The following KCNQ2 variants were observed in gnomAD, a reference collection of about 807,000 sequenced individuals.
KCNQ2 encodes the protein potassium voltage-gated channel subfamily KQT member 2.
Under a neutral mutation model 84.8 loss-of-function variants are expected in KCNQ2, and 14 were observed. The ratio of observed to expected loss-of-function variants is 0.17; its 90% confidence interval spans 0.11 to 0.26. The LOEUF is 0.26. Among genes scored for constraint, KCNQ2 ranks in the 10% least tolerant of loss-of-function variants. The pLI is 1.00. For missense variants in KCNQ2, 788 were observed against 1,254.0 expected (o/e 0.63, Z 5.61); for synonymous variants, 599 against 554.1 (o/e 1.08, Z -1.14).
chr20:63,453,258 A>G lies in KCNQ2; in HGVS notation c.297-6421T>C, dbSNP rs1477776840. Among the ~76,000 whole-genome samples the G allele has an allele frequency of 4.6e-5, 7 of 152,300 alleles. No homozygotes were observed. The East Asian group carries it at 1.4e-3, about 29-fold the overall frequency. ...CCCTGAGGCACCGTCGCCAGGGGGC[A>G]CTCGGCCCCGCCCACGTGTGCGACC... On this transcript the variant is annotated intron_variant, in intron 1 of 16. Coordinates refer to ENST00000359125, the MANE Select transcript of KCNQ2 (RefSeq NM_172107.4).
intron 5 of KCNQ2, chr20:63,439,915 G>C (rs138557173): frequency 1.1e-5 from 7 of 630,750 alleles, no homozygotes; most frequent in Non-Finnish European, 2.0e-5. Context: ...CTACAGGCCA[G>C]AAGCGGGGTC....
At chr20:63,451,511 T>C (rs1012463255) in intron 1 of KCNQ2, among the ~76,000 whole-genome samples, 1 of 152,142 alleles carries the variant, frequency 6.6e-6, no homozygotes, top group African/African-American at 2.4e-5. Flanking sequence ...CTTTTGTGAT[T>C]GAAACAGCAT....
At chr20:63,458,910 G>A (rs1406201383) in intron 1 of KCNQ2, 1 of 152,290 alleles carries the variant, frequency 6.6e-6, no homozygotes, top group Non-Finnish European at 1.5e-5. Flanking sequence ...CTGAGATGAG[G>A]AGGGCACGGC....
intron 8 of KCNQ2, among the ~76,000 whole-genome samples, chr20:63,432,981 C>A (rs2080874364): frequency 6.6e-6 from 1 of 152,164 alleles, no homozygotes; most frequent in Non-Finnish European, 1.5e-5. Flanking sequence ...GGCTCAGTTC[C>A]CCACCTCAGA....
chr20:63,443,293 C>T (rs1310292805), intron 4 of KCNQ2, among the ~76,000 whole-genome samples: 1 of 82,540 alleles, frequency 1.2e-5, no homozygotes, highest in Non-Finnish European at 2.7e-5. Context: ...TCACCATCAT[C>T]ACCACCACCA....
intron 10 of KCNQ2, among the ~76,000 whole-genome samples, chr20:63,427,610 C>T (rs1237947833): frequency 6.6e-6 from 1 of 152,246 alleles, no homozygotes; most frequent in African/African-American, 2.4e-5. Flanking sequence ...TGGCTCCAGG[C>T]AGCCCTTGGC....
Position 63,400,629 on chromosome 20 carries a change from G to A in KCNQ2, c.*6015C>T. The A allele has an allele frequency of 2.5e-6, 1 of 398,718 alleles. No individual in the cohort carries two copies. The highest frequency in any genetic ancestry group is 4.4e-6 in the Non-Finnish European group (1 of 226,096). The allele number at this position is 398,718 out of a possible 1,614,324, so 24.7% of individuals were successfully genotyped here. ...GCATGAACAAAAGTGCAGACAGCCA[G>A]AGGCAACGGCGCAAATGGGGAAGCT... On this transcript the variant is annotated 3_prime_UTR_variant, in exon 17 of 17. Coordinates refer to ENST00000359125, the MANE Select transcript of KCNQ2 (RefSeq NM_172107.4). The surrounding 1 kb of genome is among the most constrained non-coding windows in gnomAD (Gnocchi z 8.7).
rs2081217650 is a variant in KCNQ2 at position 63,442,725 on chromosome 20, T to TTACCACCACCATCACCATCAC, written c.691-195_691-194insGTGATGGTGATGGTGGTGGTA. On this transcript the variant is annotated intron_variant, in intron 4 of 16. Coordinates refer to ENST00000359125, the MANE Select transcript of KCNQ2 (RefSeq NM_172107.4). ...ATCACCATCACCACCACCACCACCA[T>TTACCACCACCATCACCATCAC]CATCACCACCTCCACCATCACCACC... 3.7e-4 allele frequency among the ~76,000 whole-genome samples: 12 copies of TTACCACCACCATCACCATCAC among 32,804 alleles called. 5 individuals carry two copies. Among genetic ancestry groups the TTACCACCACCATCACCATCAC allele is most frequent in the African/African-American group, 8.9e-4 (5 of 5,596 alleles). The allele number at this position is 32,804 out of a possible 152,430, so 21.5% of individuals were successfully genotyped here.
At chr20:63,433,639 G>A in intron 8 of KCNQ2, 170 bp downstream of exon 8, 5 of 1,263,240 alleles carry the variant, frequency 4.0e-6, no homozygotes, top group African/African-American at 1.5e-5. Context: ...CTAACACAAA[G>A]GGCAGAAGCA....
intron 11 of KCNQ2, among the ~76,000 whole-genome samples, chr20:63,419,982 A>C (rs2080417024): frequency 6.6e-6 from 1 of 152,258 alleles, no homozygotes; most frequent in Non-Finnish European, 1.5e-5. Context: ...TCATGCTGAC[A>C]AAACAATAAT....
At chr20:63,442,591 C>CCACCAA (rs2081196006) in intron 4 of KCNQ2, 60 bp from the exon 5 acceptor site, 1 of 1,532,378 alleles carries the variant, frequency 6.5e-7, no homozygotes, top group Non-Finnish European at 8.9e-7. Flanking sequence ...ACCATCACCA[C>CCACCAA]CACCAACACC....
intron 1 of KCNQ2, among the ~76,000 whole-genome samples, chr20:63,462,366 AGGCG>A (rs2081979221): frequency 6.6e-6 from 1 of 150,388 alleles, no homozygotes; most frequent in Admixed American, 6.6e-5. Flanking sequence ...AGCAGGGAGG[AGGCG>A]GCACCTACCC....
intron 1 of KCNQ2, among the ~76,000 whole-genome samples, chr20:63,462,031 G>C (rs2081968308): frequency 7.5e-6 from 1 of 133,692 alleles, no homozygotes; most frequent in Admixed American, 7.6e-5. Context: ...AGGCAGCAGG[G>C]AGGAGGCTGC....
intron 11 of KCNQ2, chr20:63,423,890 A>G: frequency 3.8e-6 from 2 of 524,064 alleles, no homozygotes; most frequent in South Asian, 5.2e-5. Flanking sequence ...CTGGGGCCAG[A>G]CTTGTGGGCG....
At chr20:63,454,999 G>A (rs1242854427) in intron 1 of KCNQ2, among the ~76,000 whole-genome samples, 1 of 152,194 alleles carries the variant, frequency 6.6e-6, no homozygotes, top group Non-Finnish European at 1.5e-5. Flanking sequence ...CTCAGCTGAG[G>A]TCTCGCTGGC....
intron 15 of KCNQ2, among the ~76,000 whole-genome samples, chr20:63,412,545 C>T (rs1457977542): frequency 2.6e-5 from 4 of 152,204 alleles, no homozygotes; most frequent in Admixed American, 2.0e-4. Context: ...CCTGGAGGCG[C>T]CCCTTCCCTG....
chr20:63,432,574 T>C (rs1393087120), intron 8 of KCNQ2, among the ~76,000 whole-genome samples: 3 of 97,610 alleles, frequency 3.1e-5, no homozygotes, highest in Admixed American at 1.1e-4. Flanking sequence ...GGCTCCACCC[T>C]CAGGGAAGGA....
chr20:63,452,044 C>G (rs1046020895), intron 1 of KCNQ2, among the ~76,000 whole-genome samples: 9 of 152,258 alleles, frequency 5.9e-5, no homozygotes, highest in Non-Finnish European at 7.3e-5. Flanking sequence ...CAAGGTCAGC[C>G]CCACCAACTG....
intron 5 of KCNQ2, among the ~76,000 whole-genome samples, chr20:63,441,297 C>A (rs928567824): frequency 6.6e-6 from 1 of 150,492 alleles, no homozygotes; most frequent in East Asian, 2.0e-4. Flanking sequence ...ACACAGTCAG[C>A]GCGTTTGAAT....
Sources: gnomAD v4.1 joint callset for allele counts (sites outside exome capture counted in the v4.1 genomes callset) on GRCh38, gnomAD v4.1.1 for gene constraint, Gnocchi (gnomAD v3.1) non-coding constraint, MANE v1.5 for transcripts, NCBI Gene and HGNC (gene_info 2026-07-23, HGNC 2026-07-21) for gene names.